The following GABRB1 variants were observed in gnomAD, a reference collection of about 807,000 sequenced individuals.
GABRB1 encodes gamma-aminobutyric acid receptor subunit beta-1.
GABRB1 carries 17 observed loss-of-function variants against 51.6 expected under a neutral mutation model. The observed-to-expected ratio is 0.33, with a 90% CI of 0.23 to 0.49. The LOEUF (loss-of-function observed/expected upper bound fraction) is 0.49. Among genes scored for constraint, GABRB1 ranks in the 20% least tolerant of loss-of-function variants. GABRB1 has a pLI of 0.99. For synonymous variants in GABRB1, 247 were observed against 218.9 expected (o/e 1.13, Z -1.14); for missense variants, 410 against 600.6 (o/e 0.68, Z 3.32).
intron 3 of GABRB1, among the ~76,000 whole-genome samples, chr4:47,135,373 A>G (rs968752827): frequency 5.9e-5 from 9 of 152,136 alleles, no homozygotes; most frequent in Non-Finnish European, 1.2e-4. Flanking sequence ...CATGCAGATG[A>G]AGCTATGGCA....
intron 5 of GABRB1, among the ~76,000 whole-genome samples, chr4:47,388,023 G>A (rs1174108988): frequency 2.6e-5 from 4 of 152,166 alleles, no homozygotes; most frequent in African/African-American, 7.2e-5. Flanking sequence ...TCCCATTGGT[G>A]TCAAAGGTTC....
chr4:47,331,314 CT>C (rs1725471982), intron 5 of GABRB1, among the ~76,000 whole-genome samples: 1 of 152,068 alleles, frequency 6.6e-6, no homozygotes, highest in Admixed American at 6.6e-5. Context: ...AAAAAGTACT[CT>C]CTCTGAAAAG....
intron 5 of GABRB1, among the ~76,000 whole-genome samples, chr4:47,325,203 G>A (rs1202029085): frequency 1.3e-5 from 2 of 152,148 alleles, no homozygotes; most frequent in African/African-American, 2.4e-5. Flanking sequence ...TTGGGAGGCC[G>A]AGGCAGGCAG....
intron 5 of GABRB1, among the ~76,000 whole-genome samples, chr4:47,379,385 A>G (rs1244646646): frequency 1.3e-5 from 2 of 152,208 alleles, no homozygotes; most frequent in East Asian, 3.8e-4. Context: ...TTCAGTATTC[A>G]GTAAATTACC....
intron 4 of GABRB1, among the ~76,000 whole-genome samples, chr4:47,200,172 G>A (rs1284481726): frequency 2.0e-5 from 3 of 152,164 alleles, no homozygotes; most frequent in Non-Finnish European, 4.4e-5. Context: ...AGGACCAATC[G>A]ATTGTTGGTC....
intron 5 of GABRB1, among the ~76,000 whole-genome samples, chr4:47,329,297 A>G (rs770596963): frequency 6.6e-6 from 1 of 151,948 alleles, no homozygotes; most frequent in Non-Finnish European, 1.5e-5. Flanking sequence ...AGAGTTGCCC[A>G]GTGTGTTATT....
chr4:47,411,080 A>G (rs1009553886), intron 8 of GABRB1, among the ~76,000 whole-genome samples: 3 of 152,342 alleles, frequency 2.0e-5, no homozygotes, highest in Middle Eastern at 3.4e-3. Context: ...ATTACTAGAC[A>G]TAAGAAGAAA....
chr4:47,056,465 A>G (rs760655348), intron 3 of GABRB1, among the ~76,000 whole-genome samples: 25 of 152,314 alleles, frequency 1.6e-4, no homozygotes, highest in Non-Finnish European at 2.9e-4. Flanking sequence ...TAAATGAGAT[A>G]GGGTGGTGGC....
intron 4 of GABRB1, among the ~76,000 whole-genome samples, chr4:47,246,590 T>C (rs1721770488): frequency 6.6e-6 from 1 of 151,232 alleles, no homozygotes. Context: ...TTTAGTTCTT[T>C]GAGGAATCTT....
intron 3 of GABRB1, among the ~76,000 whole-genome samples, chr4:47,035,979 G>A (rs1725539352): frequency 1.3e-5 from 2 of 152,102 alleles, no homozygotes; most frequent in South Asian, 2.1e-4. Flanking sequence ...CTGAAGACAC[G>A]ATGGTCCAAA....
At chr4:47,050,532 T>A (rs1726301326) in intron 3 of GABRB1, among the ~76,000 whole-genome samples, 1 of 152,130 alleles carries the variant, frequency 6.6e-6, no homozygotes, top group Non-Finnish European at 1.5e-5. Context: ...TAAATGCCAA[T>A]GCAAAGAGTT....
chr4:47,127,530 CT>C (rs79019770), intron 3 of GABRB1, among the ~76,000 whole-genome samples: 109 of 148,538 alleles, frequency 7.3e-4, no homozygotes, highest in African/African-American at 1.9e-3. Flanking sequence ...AGGACTCTCA[CT>C]TTTTTTTTTG....
intron 3 of GABRB1, among the ~76,000 whole-genome samples, chr4:47,131,012 C>A (rs1277510305): frequency 6.6e-6 from 1 of 152,156 alleles, no homozygotes; most frequent in Non-Finnish European, 1.5e-5. Context: ...TATGGGTTTG[C>A]AAAACCATCT....
intron 4 of GABRB1, among the ~76,000 whole-genome samples, chr4:47,240,302 A>G (rs1721475274): frequency 6.6e-6 from 1 of 152,210 alleles, no homozygotes; most frequent in Admixed American, 6.5e-5. Flanking sequence ...ATCTTGGCTG[A>G]TCACAAAATG....
chr4:47,032,100 A>C, intron 2 of GABRB1, 95 bp downstream of exon 2: 3 of 788,150 alleles, frequency 3.8e-6, no homozygotes, highest in Non-Finnish European at 6.2e-6. Context: ...AAGGCATGTC[A>C]TTTTCGTAAG....
At chr4:47,262,000 C>T (rs1274034532) in intron 4 of GABRB1, among the ~76,000 whole-genome samples, 1 of 151,632 alleles carries the variant, frequency 6.6e-6, no homozygotes, top group Admixed American at 6.6e-5. Flanking sequence ...ATGTAGAAAG[C>T]TGAAACTGGA....
intron 5 of GABRB1, among the ~76,000 whole-genome samples, chr4:47,375,806 C>A (rs548141563): frequency 6.6e-6 from 1 of 152,212 alleles, no homozygotes; most frequent in East Asian, 1.9e-4. Context: ...GGAGGAAAAG[C>A]AAATATTGAT....
intron 1 of GABRB1, among the ~76,000 whole-genome samples, chr4:47,002,288 G>A (rs1512142): frequency 0.42 from 63,506 of 152,050 alleles, 13,435 homozygotes; most frequent in Non-Finnish European, 0.44. Context: ...AAAGTAGTGA[G>A]TGAGCATATT....
At chr4:47,154,121 A>G (rs145921201) in intron 3 of GABRB1, among the ~76,000 whole-genome samples, 1 of 152,232 alleles carries the variant, frequency 6.6e-6, no homozygotes, top group East Asian at 1.9e-4. Context: ...GGTGACAGTG[A>G]AAAGAAAAAC....
Sources: gnomAD v4.1 joint callset for allele counts (sites outside exome capture counted in the v4.1 genomes callset) on GRCh38, gnomAD v4.1.1 for gene constraint, MANE v1.5 for transcripts, NCBI Gene and HGNC (gene_info 2026-07-23, HGNC 2026-07-21) for gene names.